TRDN: variants seen among roughly 807,000 people sequenced by gnomAD.
The protein encoded by TRDN is triadin, also known as triadin in skeletal muscle.
Under a neutral mutation model 149.7 loss-of-function variants are expected in TRDN, and 161 were observed. That is an observed-to-expected ratio of 1.08 (90% CI 0.95 to 1.23). The LOEUF is 1.23. Ranked by LOEUF, TRDN falls within the 50% of genes most tolerant of loss-of-function variation. The pLI is 0.00. For missense variants in TRDN, 896 were observed against 823.5 expected (o/e 1.09, Z -1.08); for synonymous variants, 294 against 250.5 (o/e 1.17, Z -1.64).
At chr6:123,437,255 A>G (rs771885121) in intron 12 of TRDN, 44 of 232,430 alleles carry the variant, frequency 1.9e-4, no homozygotes, top group Non-Finnish European at 3.1e-4. Context: ...CCTCACCTTG[A>G]TTAAACTTTA....
At chr6:123,519,775 A>G (rs551389792) in intron 5 of TRDN, among the ~76,000 whole-genome samples, 69 of 151,714 alleles carry the variant, frequency 4.5e-4, no homozygotes, top group Non-Finnish European at 8.1e-4. Context: ...ATATCTTTTC[A>G]TTATTAACAG....
At position 123,271,293 on chromosome 6, in the gene TRDN, A is replaced by C. The variant is rs1385877971; in HGVS notation, c.1673-107T>G. ...TTGAAATAGTGCCAATGCCAAGAAAAACTTGTTGCCTCAATAAAACAGCAA... is the reference window on the plus strand; with the variant it reads ...TTGAAATAGTGCCAATGCCAAGAAACACTTGTTGCCTCAATAAAACAGCAA... On this transcript the variant is annotated intron_variant, in intron 29 of 40. Transcript: ENST00000334268. 5 of 688,000 alleles carry C rather than the reference A, an allele frequency of 7.3e-6. No individual in the cohort carries two copies. The East Asian group carries it at 9.0e-5, about 12-fold the overall frequency. 42.6% of individuals were successfully genotyped at this position (688,000 alleles called of 1,614,324 possible).
chr6:123,579,147 C>A (rs575499716), intron 1 of TRDN, among the ~76,000 whole-genome samples: 3 of 151,964 alleles, frequency 2.0e-5, no homozygotes, highest in Non-Finnish European at 2.9e-5. Context: ...TTATTTCTTT[C>A]TCTTGCCTGG....
chr6:123,340,261 T>G lies in TRDN; in HGVS notation c.1370-2592A>C, dbSNP rs577882180. 2.0e-5 allele frequency among the ~76,000 whole-genome samples: 3 copies of G among 152,180 alleles called. No homozygotes were observed. The South Asian group carries it at 6.2e-4, about 32-fold the overall frequency. On this transcript the variant is annotated intron_variant, in intron 21 of 40. Coordinates refer to ENST00000334268, the MANE Select transcript of TRDN (RefSeq NM_006073.4). Reference sequence around the variant, plus strand: ...CTAGAGTTCTTTCCTGACACAAGCATAAACATTTTGAATCCAAACTACAAG... The same window carrying G: ...CTAGAGTTCTTTCCTGACACAAGCAGAAACATTTTGAATCCAAACTACAAG...
At chr6:123,450,133 A>G (rs1460666970) in intron 10 of TRDN, among the ~76,000 whole-genome samples, 1 of 152,190 alleles carries the variant, frequency 6.6e-6, no homozygotes, top group Non-Finnish European at 1.5e-5. Flanking sequence ...CATAAATCAC[A>G]TAGGCCCTAT....
In TRDN at chr6:123,512,303, C is replaced by A. The variant is rs1779222466; in HGVS notation, c.610G>T (p.Glu204Ter). ...EKPETKTLAK[E>*]QKKAKTAEKS... ...TGGAAATAATAAATTGAAAAGTTAC[C>A]TTTCGCCAGTGTCTTTGTTTCTGGT... Residue 204 changes from glutamate (E) to a stop codon, truncating the protein, a stop_gained and splice_region_variant, in exon 7 of 41, where the codon GAA becomes TAA. Transcript: ENST00000334268. LOFTEE classifies it high-confidence loss of function. 2 of 1,457,054 alleles carry A rather than the reference C, an allele frequency of 1.4e-6. No individual in the cohort carries two copies. Among genetic ancestry groups the A allele is most frequent in the Non-Finnish European group, 1.9e-6 (2 of 1,060,952 alleles). 90.3% of individuals were successfully genotyped at this position (1,457,054 alleles called of 1,614,324 possible).
chr6:123,455,406 C>CTG (rs71751722), intron 10 of TRDN, among the ~76,000 whole-genome samples: 4,865 of 145,664 alleles, frequency 0.033, 77 homozygotes, highest in East Asian at 0.081. Flanking sequence ...AAGGCAACCA[C>CTG]TGTGTGTGTG....
At chr6:123,250,030 GA>G (rs1403212907) in intron 38 of TRDN, among the ~76,000 whole-genome samples, 1 of 152,046 alleles carries the variant, frequency 6.6e-6, no homozygotes, top group East Asian at 1.9e-4. Flanking sequence ...ACATAAAAAT[GA>G]GTAGCATTTC....
chr6:123,624,914 A>C (rs1785574015), intron 1 of TRDN, among the ~76,000 whole-genome samples: 1 of 152,150 alleles, frequency 6.6e-6, no homozygotes, highest in South Asian at 2.1e-4. Flanking sequence ...TGAAACATCC[A>C]GCTTTTATAG....
At chr6:123,563,476 T>C (rs570282256) in intron 2 of TRDN, among the ~76,000 whole-genome samples, 2 of 152,342 alleles carry the variant, frequency 1.3e-5, no homozygotes, top group East Asian at 1.9e-4. Flanking sequence ...TGCTTTTCTC[T>C]TCTTAAAAAA....
chr6:123,561,131 G>C (rs1470214584), intron 2 of TRDN, among the ~76,000 whole-genome samples: 3 of 152,124 alleles, frequency 2.0e-5, no homozygotes, highest in Non-Finnish European at 2.9e-5. Flanking sequence ...GGCCACTGTG[G>C]TCATTTCTTC....
chr6:123,414,917 C>A (rs1200650351), intron 12 of TRDN, among the ~76,000 whole-genome samples: 2 of 151,988 alleles, frequency 1.3e-5, no homozygotes, highest in Non-Finnish European at 2.9e-5. Flanking sequence ...TTTAACATAT[C>A]AAATTTTATT....
chr6:123,316,939 A>G (rs756180799), intron 23 of TRDN, among the ~76,000 whole-genome samples: 21 of 151,772 alleles, frequency 1.4e-4, no homozygotes, highest in Non-Finnish European at 2.4e-4. Flanking sequence ...AGTGGTTAAT[A>G]TAATTATTGT....
intron 33 of TRDN, among the ~76,000 whole-genome samples, chr6:123,260,971 G>A (rs1776751531): frequency 6.6e-6 from 1 of 151,596 alleles, no homozygotes; most frequent in Non-Finnish European, 1.5e-5. Flanking sequence ...AATTTAGTGT[G>A]TGCATTTTAA....
At chr6:123,301,741 G>T (rs9490722) in intron 24 of TRDN, among the ~76,000 whole-genome samples, 3 of 47,340 alleles carry the variant, frequency 6.3e-5, no homozygotes, top group African/African-American at 1.6e-4. Flanking sequence ...ATGTATGTAT[G>T]TATATATATA....
At chr6:123,568,870 G>A (rs981888877) in intron 2 of TRDN, among the ~76,000 whole-genome samples, 2 of 152,194 alleles carry the variant, frequency 1.3e-5, no homozygotes, top group Admixed American at 6.5e-5. Flanking sequence ...CTATCAGCAC[G>A]TAGCTTCTTT....
At position 123,528,271 on chromosome 6, in the gene TRDN, A is replaced by ATTTT. The variant is rs11286718; in HGVS notation, c.484+2231_484+2234dup. ...CCTGTGGGATTACATATTCTGTGTG[A>ATTTT]TTTTTTTTTTGCATCCTTCTTGATG... On this transcript the variant is annotated intron_variant, in intron 5 of 40. Transcript: ENST00000334268. Among the ~76,000 whole-genome samples the ATTTT allele has an allele frequency of 9.4e-3, 1,405 of 149,366 alleles. 9 individuals carry two copies. Among genetic ancestry groups the ATTTT allele is most frequent in the African/African-American group, 0.018 (736 of 40,958 alleles).
chr6:123,452,071 C>A (rs1775810463), intron 10 of TRDN, among the ~76,000 whole-genome samples: 1 of 151,946 alleles, frequency 6.6e-6, no homozygotes, highest in Admixed American at 6.6e-5. Flanking sequence ...AAACTCTCAG[C>A]AAAATCAGCA....
At chr6:123,498,834 T>C (rs1299005662) in intron 8 of TRDN, among the ~76,000 whole-genome samples, 1 of 152,200 alleles carries the variant, frequency 6.6e-6, no homozygotes, top group Non-Finnish European at 1.5e-5. Flanking sequence ...ATCGGCAGTA[T>C]GTTCCCTTTA....
Sources: allele counts gnomAD v4.1 joint callset (sites outside exome capture counted in the v4.1 genomes callset), GRCh38; gene constraint gnomAD v4.1.1; transcripts MANE v1.5; gene names NCBI Gene and HGNC (gene_info 2026-07-23, HGNC 2026-07-21).